Variants in FOXP4 observed in about 807,000 individuals in gnomAD.
The protein encoded by FOXP4 is forkhead box protein P4.
FOXP4 carries 25 observed loss-of-function variants against 82.6 expected under a neutral mutation model. The observed-to-expected ratio is 0.30, with a 90% CI of 0.22 to 0.42. The LOEUF (loss-of-function observed/expected upper bound fraction) is 0.42, where lower values mean the gene tolerates loss of function less well. Among genes scored for constraint, FOXP4 ranks in the 10% least tolerant of loss-of-function variants. FOXP4 has a pLI of 1.00. For synonymous variants in FOXP4, 415 were observed against 388.2 expected (o/e 1.07, Z -0.81); for missense variants, 785 against 900.9 (o/e 0.87, Z 1.65).
At chr6:41,586,791 CGCGT>C (rs552889054) in intron 5 of FOXP4, among the ~76,000 whole-genome samples, 2 of 152,016 alleles carry the variant, frequency 1.3e-5, no homozygotes, top group Non-Finnish European at 2.9e-5. Context: ...TGTGTTTGCG[CGCGT>C]GCGTGCGTGC....
At chr6:41,555,652 G>A (rs1764233884) in intron 1 of FOXP4, among the ~76,000 whole-genome samples, 1 of 152,216 alleles carries the variant, frequency 6.6e-6, no homozygotes, top group Non-Finnish European at 1.5e-5. Context: ...CCCCACATAA[G>A]ACGTCACTAT....
At chr6:41,562,757 C>T (rs1764658104) in intron 1 of FOXP4, among the ~76,000 whole-genome samples, 1 of 152,224 alleles carries the variant, frequency 6.6e-6, no homozygotes, top group Non-Finnish European at 1.5e-5. Context: ...GGAATCAGAG[C>T]AGGCAGCTGC....
At chr6:41,578,268 A>G (rs929072346) in intron 3 of FOXP4, among the ~76,000 whole-genome samples, 187 bp downstream of exon 3, 5 of 152,158 alleles carry the variant, frequency 3.3e-5, no homozygotes, top group Admixed American at 3.3e-4. Flanking sequence ...TCTCGTCTCC[A>G]CCTGATCAGC....
intron 2 of FOXP4, among the ~76,000 whole-genome samples, chr6:41,573,158 A>G (rs1419436697): frequency 2.0e-5 from 3 of 151,966 alleles, no homozygotes; most frequent in African/African-American, 4.8e-5. Context: ...GCACCCCAAC[A>G]CAGATCTGGG....
At chr6:41,598,092 C>T (rs1561810584) in intron 16 of FOXP4, 142 bp downstream of exon 16, 1 of 668,766 alleles carries the variant, frequency 1.5e-6, no homozygotes, top group Admixed American at 3.5e-5. Context: ...CTCTTCCTTC[C>T]CTCAGCCCTC....
chr6:41,554,282 T>C (rs1764159916), intron 1 of FOXP4, among the ~76,000 whole-genome samples: 1 of 152,230 alleles, frequency 6.6e-6, no homozygotes, highest in South Asian at 2.1e-4. Flanking sequence ...TGCTGAGTTT[T>C]GTTGACCCAC....
intron 2 of FOXP4, chr6:41,570,392 A>G (rs572943567): frequency 4.2e-5 from 20 of 471,284 alleles, no homozygotes; most frequent in Admixed American, 1.2e-4. Context: ...TTGGCCTGAC[A>G]CAGTGAGAGA....
chr6:41,582,036 T>G (rs986013955), intron 3 of FOXP4, among the ~76,000 whole-genome samples: 1 of 152,240 alleles, frequency 6.6e-6, no homozygotes, highest in African/African-American at 2.4e-5. Context: ...CCTAGTGCCT[T>G]GGTCCTCAGT....
In FOXP4 at chr6:41,565,728, C is replaced by A; in HGVS notation, c.-16-17C>A. On this transcript the variant is annotated splice_polypyrimidine_tract_variant and intron_variant, in intron 1 of 16. Transcript: ENST00000307972. ...TTCAGCCTCAGCCTCTCCCCTGTGT[C>A]TCTCTTCCTCCTCCAGGTACCGCTA... 6.4e-7 allele frequency: 1 copy of A among 1,563,472 alleles called. No individual in the cohort carries two copies. The highest frequency in any genetic ancestry group is 1.2e-5 in the South Asian group (1 of 83,058).
At chr6:41,584,938 T>A in intron 4 of FOXP4, 47 bp downstream of exon 4, 1 of 1,556,634 alleles carries the variant, frequency 6.4e-7, no homozygotes, top group African/African-American at 1.4e-5. Flanking sequence ...CTGCCTGGCC[T>A]GGCTCCTCCC....
chr6:41,594,236 T>C (rs1167893567), intron 13 of FOXP4, among the ~76,000 whole-genome samples: 1 of 152,204 alleles, frequency 6.6e-6, no homozygotes. Context: ...CTCTGGGTTG[T>C]CAACCCACAC....
chr6:41,589,699 G>A, intron 9 of FOXP4, 72 bp from the exon 10 acceptor site: 3 of 1,480,642 alleles, frequency 2.0e-6, no homozygotes, highest in South Asian at 1.2e-5. Flanking sequence ...GAGCCTGGCG[G>A]TGGAGGGGTG....
At chr6:41,580,133 C>T (rs1765715326) in intron 3 of FOXP4, among the ~76,000 whole-genome samples, 1 of 151,602 alleles carries the variant, frequency 6.6e-6, no homozygotes, top group Non-Finnish European at 1.5e-5. Context: ...CCTCTGCCTC[C>T]CGGGTTCAAG....
chr6:41,591,090 TTTCTG>T lies in FOXP4; in HGVS notation c.1435-130_1435-126del, dbSNP rs1766487925. 1.4e-6 allele frequency: 1 copy of T among 729,284 alleles called. No homozygotes were observed. Among genetic ancestry groups the T allele is most frequent in the African/African-American group, 1.7e-5 (1 of 57,664 alleles). The allele number at this position is 729,284 out of a possible 1,614,324, so 45.2% of individuals were successfully genotyped here. On this transcript the variant is annotated intron_variant, in intron 12 of 16. Coordinates refer to ENST00000307972, the MANE Select transcript of FOXP4 (RefSeq NM_001012426.2). The surrounding 1 kb of genome is among the most constrained non-coding windows in gnomAD (Gnocchi z 4.2). The stretch of plus-strand genomic sequence containing the variant: ...CACCACCCATCTTGTTATCCACACA[TTTCTG>T]AGCAGGTCTTCTCACAAAGTGAACT...
intron 2 of FOXP4, among the ~76,000 whole-genome samples, chr6:41,575,324 G>A (rs1765418263): frequency 6.6e-6 from 1 of 152,138 alleles, no homozygotes. Flanking sequence ...GCCCTGGGGG[G>A]GCAGAGGCCA....
chr6:41,594,907 TCGTC>T lies in FOXP4; in HGVS notation c.1577_1580del (p.Val526AlafsTer25), dbSNP rs1766733169. On this transcript the variant is annotated frameshift_variant, in exon 14 of 17. Coordinates refer to ENST00000307972, the MANE Select transcript of FOXP4 (RefSeq NM_001012426.2). LOFTEE classifies it high-confidence loss of function. ...CACAACCTCAGCCTGCACAAGTGCT[TCGTC>T]CGCGTGGAGAACGTCAAGGGTGCCG... 1 of 1,614,048 alleles carries T rather than the reference TCGTC, an allele frequency of 6.2e-7. No individual in the cohort carries two copies. Among genetic ancestry groups the T allele is most frequent in the Non-Finnish European group, 8.5e-7 (1 of 1,180,048 alleles).
At chr6:41,581,245 G>A (rs993656482) in intron 3 of FOXP4, among the ~76,000 whole-genome samples, 11 of 152,330 alleles carry the variant, frequency 7.2e-5, no homozygotes, top group Admixed American at 3.3e-4. Flanking sequence ...CCCACTCACA[G>A]GGACCCCATA....
At chr6:41,597,307 AC>A in intron 15 of FOXP4, 65 bp downstream of exon 15, 8 of 1,530,300 alleles carry the variant, frequency 5.2e-6, no homozygotes, top group African/African-American at 1.4e-5. Flanking sequence ...CATACAAGAG[AC>A]CCCCATCCTC....
intron 1 of FOXP4, among the ~76,000 whole-genome samples, chr6:41,552,100 C>T (rs1297583853): frequency 1.3e-5 from 2 of 152,156 alleles, no homozygotes; most frequent in African/African-American, 4.8e-5. Flanking sequence ...GGGTAGCTTC[C>T]GTTCTCATCT....
Sources: allele counts gnomAD v4.1 joint callset (sites outside exome capture counted in the v4.1 genomes callset), GRCh38; gene constraint gnomAD v4.1.1; non-coding constraint Gnocchi (gnomAD v3.1); transcripts MANE v1.5; gene names NCBI Gene and HGNC (gene_info 2026-07-23, HGNC 2026-07-21).